The following MSI2 variants were observed in gnomAD, a reference collection of about 807,000 sequenced individuals.
The protein encoded by MSI2 is musashi RNA binding protein 2.
Under a neutral mutation model 45.6 loss-of-function variants are expected in MSI2, and 17 were observed. The observed-to-expected ratio is 0.37, with a 90% confidence interval of 0.26 to 0.56. MSI2 has a LOEUF of 0.56. Among genes scored for constraint, MSI2 ranks in the 20% least tolerant of loss-of-function variants. The pLI is 0.77. For missense variants in MSI2, 293 were observed against 444.2 expected (o/e 0.66, Z 3.06); for synonymous variants, 156 against 158.2 (o/e 0.99, Z 0.11).
chr17:57,381,450 G>A (rs2083596415), intron 5 of MSI2, among the ~76,000 whole-genome samples: 4 of 151,132 alleles, frequency 2.6e-5, no homozygotes, highest in Admixed American at 2.6e-4. Flanking sequence ...CCAAGGCAGT[G>A]ACCCTCCCTC....
chr17:57,478,857 A>G (rs1462445457), intron 6 of MSI2, among the ~76,000 whole-genome samples: 1 of 152,076 alleles, frequency 6.6e-6, no homozygotes, highest in Non-Finnish European at 1.5e-5. Flanking sequence ...TAACTGTTTA[A>G]CCTGTGAGAG....
chr17:57,627,137 A>G lies in MSI2; in HGVS notation c.653-92A>G. 1 of 1,123,188 alleles carries G rather than the reference A, an allele frequency of 8.9e-7. No individual in the cohort carries two copies. The highest frequency in any genetic ancestry group is 1.7e-5 in the Admixed American group (1 of 58,034). The allele number at this position is 1,123,188 out of a possible 1,614,324, so 69.6% of individuals were successfully genotyped here. A position where few individuals can be genotyped will look rare whatever the true frequency, so the allele number is the denominator to read the frequency against. ...ATTATTCTGTGAAGGAAAATAACTC[A>G]GGCTTTCCTCATTGCCACCCTCCGT... On this transcript the variant is annotated intron_variant, in intron 9 of 13. Coordinates refer to ENST00000284073, the MANE Select transcript of MSI2 (RefSeq NM_138962.4). This position sits in a 1 kb window ranked among gnomAD's most constrained non-coding sequence, Gnocchi z 4.6.
chr17:57,481,159 A>G (rs1180262606), intron 6 of MSI2, among the ~76,000 whole-genome samples: 1 of 152,220 alleles, frequency 6.6e-6, no homozygotes, highest in Non-Finnish European at 1.5e-5. Flanking sequence ...TTCAGTGACA[A>G]GGTATTAAAG....
rs1042570922 is a variant in MSI2 at position 57,526,984 on chromosome 17, A to C, written c.406-2692A>C. ...GTGGAGCGAATGTTGAGAGGGCGCT[A>C]TTAGAAAACGTCCAAACTTAGGAAG... On this transcript the variant is annotated intron_variant, in intron 6 of 13. Coordinates refer to ENST00000284073, the MANE Select transcript of MSI2 (RefSeq NM_138962.4). Among the ~76,000 whole-genome samples, 7 of 152,192 alleles carry C rather than the reference A, an allele frequency of 4.6e-5. No individual in the cohort carries two copies. In the East Asian group the frequency reaches 5.8e-4, roughly 13 times the overall value.
intron 10 of MSI2, chr17:57,632,945 GA>G (rs1356156245): frequency 9.5e-7 from 1 of 1,055,336 alleles, no homozygotes; most frequent in Non-Finnish European, 1.1e-6. Flanking sequence ...GCTTTTCCAT[GA>G]GTATTATTTT....
At chr17:57,310,370 G>A (rs140367660) in intron 5 of MSI2, among the ~76,000 whole-genome samples, 1 of 150,816 alleles carries the variant, frequency 6.6e-6, no homozygotes, top group Non-Finnish European at 1.5e-5. Flanking sequence ...ATCTCACTCC[G>A]TCACCCAGGC....
At chr17:57,632,919 T>C in intron 10 of MSI2, 1 of 1,058,802 alleles carries the variant, frequency 9.4e-7, no homozygotes, top group Non-Finnish European at 1.1e-6. Flanking sequence ...GTTAGTTTCC[T>C]TTTATTTTCC....
At chr17:57,631,501 C>T (rs970566962) in intron 10 of MSI2, 7 of 349,676 alleles carry the variant, frequency 2.0e-5, no homozygotes, top group African/African-American at 1.5e-4. Flanking sequence ...CTGTGCCCAT[C>T]TTCAGAATTC....
intron 5 of MSI2, among the ~76,000 whole-genome samples, chr17:57,358,847 T>C (rs938955959): frequency 6.6e-6 from 1 of 152,186 alleles, no homozygotes; most frequent in Non-Finnish European, 1.5e-5. Flanking sequence ...AAATCGAAGA[T>C]GATATGTTGC....
At chr17:57,687,980 G>A (rs542295760), downstream of MSI2, among the ~76,000 whole-genome samples, 1 of 152,196 alleles carries the variant, frequency 6.6e-6, no homozygotes, top group South Asian at 2.1e-4. Flanking sequence ...ATAACAATAT[G>A]TGCTGATAAA....
At chr17:57,610,450 T>TTGGGGAACACTCACCGTTG (rs1567934848) in intron 8 of MSI2, among the ~76,000 whole-genome samples, 13 of 109,558 alleles carry the variant, frequency 1.2e-4, no homozygotes, top group South Asian at 6.1e-4. Flanking sequence ...AGACTCCGTC[T>TTGGGGAACACTCACCGTTG]AAAAAAAAAA....
the MSI2 span, among the ~76,000 whole-genome samples, chr17:57,692,460 G>A: frequency 7.9e-3 from 1,195 of 152,184 alleles, 20 homozygotes; most frequent in African/African-American, 0.027. Flanking sequence ...ATGTTTTAGA[G>A]GGAATGAAAA....
intron 7 of MSI2, among the ~76,000 whole-genome samples, chr17:57,535,867 C>T (rs547899571): frequency 2.0e-4 from 30 of 152,294 alleles, no homozygotes; most frequent in African/African-American, 5.3e-4. Context: ...TTGTAATTTG[C>T]GTAATCGGTT....
intron 6 of MSI2, among the ~76,000 whole-genome samples, chr17:57,419,201 A>G (rs1191755091): frequency 6.8e-6 from 1 of 146,060 alleles, no homozygotes; most frequent in South Asian, 2.2e-4. Flanking sequence ...TTTTTTTTTT[A>G]AATAGAGCAA....
chr17:57,366,148 G>C (rs562062632), intron 5 of MSI2, among the ~76,000 whole-genome samples: 1 of 152,272 alleles, frequency 6.6e-6, no homozygotes, highest in African/African-American at 2.4e-5. Context: ...CTGAGCTCAA[G>C]CAGCCCCACC....
intron 7 of MSI2, among the ~76,000 whole-genome samples, chr17:57,594,886 A>ACAGG (rs146857461): frequency 0.016 from 2,375 of 152,256 alleles, 67 homozygotes; most frequent in African/African-American, 0.055. Flanking sequence ...TGTATCTACA[A>ACAGG]CAGGCTGGAC....
At chr17:57,300,746 A>G (rs1911352319) in intron 5 of MSI2, among the ~76,000 whole-genome samples, 1 of 152,214 alleles carries the variant, frequency 6.6e-6, no homozygotes, top group East Asian at 1.9e-4. Context: ...CATGTCTTAC[A>G]TGGTGGCAGA....
chr17:57,438,486 C>T (rs948410732), intron 6 of MSI2, among the ~76,000 whole-genome samples: 2 of 152,212 alleles, frequency 1.3e-5, no homozygotes, highest in South Asian at 2.1e-4. Context: ...TGAGATGGAG[C>T]AGAAAGCAGA....
chr17:57,630,481 C>T (rs2144618558), intron 10 of MSI2: 1 of 152,358 alleles, frequency 6.6e-6, no homozygotes. Context: ...CCAGTGGCCA[C>T]AAGAGTAAGG....
Sources: allele counts gnomAD v4.1 joint callset (sites outside exome capture counted in the v4.1 genomes callset), GRCh38; gene constraint gnomAD v4.1.1; non-coding constraint Gnocchi (gnomAD v3.1); transcripts MANE v1.5; gene names NCBI Gene and HGNC (gene_info 2026-07-23, HGNC 2026-07-21).